The following LUZP2 variants were observed in gnomAD, a reference collection of about 807,000 sequenced individuals.
LUZP2 encodes the protein leucine zipper protein 2.
Under a neutral mutation model 51.6 loss-of-function variants are expected in LUZP2, and 52 were observed. The ratio of observed to expected loss-of-function variants is 1.01; its 90% confidence interval spans 0.81 to 1.27. LUZP2 has a LOEUF of 1.27. Among genes scored for constraint, LUZP2 ranks in the 50% most tolerant of loss-of-function variants. The pLI is 0.00. For missense variants in LUZP2, 436 were observed against 395.4 expected (o/e 1.10, Z -0.87); for synonymous variants, 154 against 137.3 (o/e 1.12, Z -0.85).
chr11:24,604,920 A>T (rs1853864719), intron 1 of LUZP2, among the ~76,000 whole-genome samples: 1 of 151,850 alleles, frequency 6.6e-6, no homozygotes, highest in South Asian at 2.1e-4. Flanking sequence ...AGATTTTAAA[A>T]AACTCATAGT....
intron 5 of LUZP2, among the ~76,000 whole-genome samples, chr11:24,783,264 C>G (rs530230521): frequency 6.6e-6 from 1 of 151,876 alleles, no homozygotes; most frequent in South Asian, 2.1e-4. Context: ...TATTTCCATG[C>G]ATTTCTTCTT....
At chr11:25,067,865 C>A (rs2134050632) in intron 10 of LUZP2, among the ~76,000 whole-genome samples, 1 of 152,132 alleles carries the variant, frequency 6.6e-6, no homozygotes, top group East Asian at 1.9e-4. Flanking sequence ...CACATGCACA[C>A]ATATGTTTAT....
Position 24,713,422 on chromosome 11 carries a change from G to A in LUZP2, c.63-15747G>A, listed in dbSNP as rs113482688. On this transcript the variant is annotated intron_variant, in intron 1 of 11. Transcript: ENST00000336930. The stretch of plus-strand genomic sequence containing the variant: ...CTTGGAATGCCTTTGTCAACTGGGG[G>A]GAGAACAATTTAAATCTTTCTTTTT... 3.8e-3 allele frequency among the ~76,000 whole-genome samples: 578 copies of A among 152,116 alleles called. 4 individuals carry two copies. Among genetic ancestry groups the A allele is most frequent in the African/African-American group, 0.013 (557 of 41,478 alleles).
At chr11:25,004,017 A>G (rs952067739) in intron 9 of LUZP2, among the ~76,000 whole-genome samples, 20 of 152,160 alleles carry the variant, frequency 1.3e-4, no homozygotes, top group Admixed American at 1.3e-3. Flanking sequence ...AGGACAGGAG[A>G]TTAGTACTGA....
chr11:24,586,990 A>T (rs1853087681), intron 1 of LUZP2, among the ~76,000 whole-genome samples: 1 of 152,124 alleles, frequency 6.6e-6, no homozygotes. Context: ...TAGTTTTATT[A>T]ACTGTCTCAA....
At chr11:24,533,921 C>T (rs529947527) in intron 1 of LUZP2, among the ~76,000 whole-genome samples, 207 of 151,362 alleles carry the variant, frequency 1.4e-3, no homozygotes, top group African/African-American at 4.7e-3. Flanking sequence ...ACATGACCCC[C>T]GTATCTTTCT....
At chr11:25,008,875 AATACC>A (rs1168164390) in intron 9 of LUZP2, among the ~76,000 whole-genome samples, 3 of 152,180 alleles carry the variant, frequency 2.0e-5, no homozygotes, top group Non-Finnish European at 4.4e-5. Context: ...GCCTGGGAAA[AATACC>A]ATTCAATTGG....
chr11:25,075,129 A>G (rs1270113771), intron 10 of LUZP2, among the ~76,000 whole-genome samples: 1 of 152,206 alleles, frequency 6.6e-6, no homozygotes, highest in Admixed American at 6.5e-5. Flanking sequence ...ATATTTCCAG[A>G]GAAATGTGAG....
At chr11:25,025,984 C>T (rs1034339038) in intron 9 of LUZP2, among the ~76,000 whole-genome samples, 1 of 152,056 alleles carries the variant, frequency 6.6e-6, no homozygotes, top group Admixed American at 6.6e-5. Context: ...GAGTTCATGT[C>T]CTTTGTAGGG....
At chr11:24,905,335 G>T (rs1853412958) in intron 5 of LUZP2, among the ~76,000 whole-genome samples, 1 of 152,022 alleles carries the variant, frequency 6.6e-6, no homozygotes, top group Non-Finnish European at 1.5e-5. Context: ...GACCAGCCTG[G>T]CCAACATGGC....
Position 24,970,220 on chromosome 11 carries a change from G to T in LUZP2, c.523-6371G>T, listed in dbSNP as rs765385116. 1.2e-4 allele frequency among the ~76,000 whole-genome samples: 18 copies of T among 152,174 alleles called. No homozygotes were observed. In the East Asian group the frequency reaches 3.5e-3, roughly 29 times the overall value. On this transcript the variant is annotated intron_variant, in intron 7 of 11. Transcript: ENST00000336930. ...TTTTCAGCTCAGCCAAGACAAATAA[G>T]TTTTAAGGCTCCACTATCAGTGCTT...
chr11:24,667,187 T>TC (rs1554970522), intron 1 of LUZP2, among the ~76,000 whole-genome samples: 3 of 148,068 alleles, frequency 2.0e-5, no homozygotes, highest in African/African-American at 7.4e-5. Context: ...TTTTTTTCTT[T>TC]TTTTTTTTTT....
At chr11:24,801,578 GA>G (rs1323297875) in intron 5 of LUZP2, among the ~76,000 whole-genome samples, 2 of 151,706 alleles carry the variant, frequency 1.3e-5, no homozygotes, top group Non-Finnish European at 2.9e-5. Flanking sequence ...AGAGATCTAG[GA>G]AAATTCTTAT....
chr11:24,947,419 A>T (rs563368388), intron 7 of LUZP2, among the ~76,000 whole-genome samples: 1 of 152,004 alleles, frequency 6.6e-6, no homozygotes, highest in African/African-American at 2.4e-5. Flanking sequence ...CACACTGAAT[A>T]GCTTACACTA....
chr11:24,963,438 G>A (rs1262493986), intron 7 of LUZP2, among the ~76,000 whole-genome samples: 1 of 152,192 alleles, frequency 6.6e-6, no homozygotes, highest in African/African-American at 2.4e-5. Flanking sequence ...CTTCCCGGCT[G>A]CTTTGTTTAC....
intron 6 of LUZP2, among the ~76,000 whole-genome samples, chr11:24,908,275 C>A (rs1300114857): frequency 6.6e-6 from 1 of 152,056 alleles, no homozygotes; most frequent in East Asian, 1.9e-4. Context: ...CTATAAACAC[C>A]ATCTACCAAA....
chr11:24,843,034 T>A (rs1477066899), intron 5 of LUZP2, among the ~76,000 whole-genome samples: 1 of 151,748 alleles, frequency 6.6e-6, no homozygotes, highest in Non-Finnish European at 1.5e-5. Context: ...ATAAGTAACA[T>A]TATTAATGAA....
intron 1 of LUZP2, among the ~76,000 whole-genome samples, chr11:24,662,531 C>T (rs1856056752): frequency 6.6e-6 from 1 of 151,944 alleles, no homozygotes; most frequent in Non-Finnish European, 1.5e-5. Flanking sequence ...ATCGAAACAT[C>T]ATTCTATAAA....
At chr11:24,548,617 G>A (rs954795339) in intron 1 of LUZP2, among the ~76,000 whole-genome samples, 1 of 151,764 alleles carries the variant, frequency 6.6e-6, no homozygotes, top group African/African-American at 2.4e-5. Flanking sequence ...TTATTATCTG[G>A]GTGACAAAAT....
Sources: allele counts gnomAD v4.1 joint callset (sites outside exome capture counted in the v4.1 genomes callset), GRCh38; gene constraint gnomAD v4.1.1; transcripts MANE v1.5; gene names NCBI Gene and HGNC (gene_info 2026-07-23, HGNC 2026-07-21).